VAV2: variants seen among roughly 807,000 people sequenced by gnomAD.
VAV2 encodes the protein guanine nucleotide exchange factor VAV2.
Under a neutral mutation model 132.5 loss-of-function variants are expected in VAV2, and 67 were observed. The observed-to-expected ratio is 0.51, with a 90% confidence interval of 0.42 to 0.62. VAV2 has a LOEUF of 0.62. Among genes scored for constraint, VAV2 ranks in the 20% least tolerant of loss-of-function variants. VAV2 has a pLI of 0.00. For missense variants in VAV2, 938 were observed against 1,153.6 expected (o/e 0.81, Z 2.71); for synonymous variants, 492 against 443.5 (o/e 1.11, Z -1.37).
chr9:133,976,553 A>G (rs1842518187), intron 1 of VAV2, among the ~76,000 whole-genome samples: 2 of 152,230 alleles, frequency 1.3e-5, no homozygotes, highest in Admixed American at 1.3e-4. Flanking sequence ...TAATTGTGGT[A>G]AAGTACACAC....
chr9:133,894,253 G>T (rs1165454484), intron 2 of VAV2, among the ~76,000 whole-genome samples: 2 of 152,234 alleles, frequency 1.3e-5, no homozygotes, highest in African/African-American at 4.8e-5. Context: ...GGGGAGCCGG[G>T]GCCCGGCCTG....
chr9:133,766,710 A>G (rs1476848544), intron 29 of VAV2, among the ~76,000 whole-genome samples: 1 of 149,056 alleles, frequency 6.7e-6, no homozygotes, highest in Non-Finnish European at 1.5e-5. Context: ...TACATATGTA[A>G]CAAACCTGCA....
At chr9:133,860,622 C>T (rs1837557182) in intron 3 of VAV2, among the ~76,000 whole-genome samples, 1 of 152,166 alleles carries the variant, frequency 6.6e-6, no homozygotes, top group Non-Finnish European at 1.5e-5. Context: ...GTGACCCCAT[C>T]CTCGCTGCTC....
intron 1 of VAV2, among the ~76,000 whole-genome samples, chr9:133,943,856 C>A (rs139312745): frequency 2.0e-5 from 3 of 152,368 alleles, no homozygotes; most frequent in African/African-American, 4.8e-5. Flanking sequence ...CATCGGCAGC[C>A]GCAGATCTAA....
chr9:133,853,685 C>T (rs144750069), intron 3 of VAV2, among the ~76,000 whole-genome samples: 1 of 152,254 alleles, frequency 6.6e-6, no homozygotes, highest in Non-Finnish European at 1.5e-5. Context: ...CCTTGGCTGC[C>T]ACATCAGCAT....
intron 1 of VAV2, among the ~76,000 whole-genome samples, chr9:133,950,182 T>A (rs1841509753): frequency 6.6e-6 from 1 of 152,214 alleles, no homozygotes; most frequent in Non-Finnish European, 1.5e-5. Flanking sequence ...CAGGCCAAGC[T>A]GCAGCATTGC....
intron 2 of VAV2, among the ~76,000 whole-genome samples, chr9:133,915,117 T>A (rs1387623016): frequency 1.3e-5 from 2 of 152,006 alleles, no homozygotes; most frequent in Non-Finnish European, 2.9e-5. Flanking sequence ...TCCATTAGTG[T>A]CCCCTTTTCC....
intron 4 of VAV2, among the ~76,000 whole-genome samples, chr9:133,815,567 G>A (rs562889456): frequency 1.3e-5 from 2 of 152,214 alleles, no homozygotes; most frequent in South Asian, 4.1e-4. Flanking sequence ...TTTTGTGCCT[G>A]GCTTCTTCCC....
Position 133,769,515 on chromosome 9 carries a change from CGA to C in VAV2, c.2348-14_2348-13del, listed in dbSNP as rs1423426564. 2.5e-6 allele frequency: 4 copies of C among 1,607,384 alleles called. No individual in the cohort carries two copies. The African/African-American group carries it at 4.0e-5, about 16-fold the overall frequency. On this transcript the variant is annotated splice_polypyrimidine_tract_variant and intron_variant, in intron 27 of 29. Coordinates refer to ENST00000371850, the MANE Select transcript of VAV2 (RefSeq NM_001134398.2). The surrounding 1 kb of genome is among the most constrained non-coding windows in gnomAD (Gnocchi z 8.1). ...GGAAGCACAGGAAGCTGCAAAGAGG[CGA>C]GAGAGAACGTGAGGCGGGCAGCAGG...
Position 133,961,792 on chromosome 9 carries a change from C to T in VAV2, c.205-22573G>A, listed in dbSNP as rs1841974025. On this transcript the variant is annotated intron_variant, in intron 1 of 29. Coordinates refer to ENST00000371850, the MANE Select transcript of VAV2 (RefSeq NM_001134398.2). The surrounding 1 kb of genome is among the most constrained non-coding windows in gnomAD (Gnocchi z 4.1). ...AGAAGACCCGGGCTTGCATGATGTACACCAGGGAGCCCACAGGAGCAGAGT... is the reference window on the plus strand; with the variant it reads ...AGAAGACCCGGGCTTGCATGATGTATACCAGGGAGCCCACAGGAGCAGAGT... 6.6e-6 allele frequency among the ~76,000 whole-genome samples: 1 copy of T among 152,188 alleles called. No homozygotes were observed. The highest frequency in any genetic ancestry group is 2.4e-5 in the African/African-American group (1 of 41,438).
intron 4 of VAV2, among the ~76,000 whole-genome samples, chr9:133,813,463 C>T (rs1443948697): frequency 2.0e-5 from 3 of 152,226 alleles, no homozygotes; most frequent in East Asian, 1.9e-4. Context: ...TTGGGGAGGA[C>T]CATTCAAGGT....
intron 1 of VAV2, among the ~76,000 whole-genome samples, chr9:133,954,499 G>A (rs1841678647): frequency 6.6e-6 from 1 of 152,282 alleles, no homozygotes. Flanking sequence ...CAGTGAATCT[G>A]AGTGAAATCC....
rs528784724 is a variant in VAV2 at position 133,958,061 on chromosome 9, C to A, written c.205-18842G>T. On this transcript the variant is annotated intron_variant, in intron 1 of 29. Coordinates refer to ENST00000371850, the MANE Select transcript of VAV2 (RefSeq NM_001134398.2). ...AATCTCAAGTACCCAGGGACACAAA[C>A]ACTGCGGAAGGCCGCAGGGACCTCT... 2.5e-4 allele frequency among the ~76,000 whole-genome samples: 36 copies of A among 143,184 alleles called. No individual in the cohort carries two copies. The East Asian group carries it at 3.6e-3, about 14-fold the overall frequency. 93.9% of individuals were successfully genotyped at this position (143,184 alleles called of 152,430 possible).
At chr9:133,870,075 C>T (rs1306603761) in intron 2 of VAV2, among the ~76,000 whole-genome samples, 3 of 152,036 alleles carry the variant, frequency 2.0e-5, no homozygotes, top group Non-Finnish European at 2.9e-5. Flanking sequence ...GAATGACAAG[C>T]GACCATCGAG....
intron 4 of VAV2, among the ~76,000 whole-genome samples, chr9:133,825,751 A>G (rs1388728969): frequency 6.6e-6 from 1 of 152,120 alleles, no homozygotes; most frequent in African/African-American, 2.4e-5. Context: ...GACAAAGGGC[A>G]CAGCACAGAG....
chr9:133,898,139 G>A (rs1460183720), intron 2 of VAV2, among the ~76,000 whole-genome samples: 2 of 152,124 alleles, frequency 1.3e-5, no homozygotes, highest in African/African-American at 4.8e-5. Flanking sequence ...GAGGGACCTC[G>A]GAGATGGGCC....
chr9:133,915,586 G>A (rs10114118), intron 2 of VAV2, among the ~76,000 whole-genome samples: 145,600 of 151,858 alleles, frequency 0.96, 69,894 homozygotes, highest in Non-Finnish European at 1. Context: ...AAGACAAGGC[G>A]CACACACACA....
intron 3 of VAV2, among the ~76,000 whole-genome samples, chr9:133,859,940 G>C (rs1837532637): frequency 6.6e-6 from 1 of 152,142 alleles, no homozygotes. Flanking sequence ...CCGGGGTTTT[G>C]ACTGCTATTC....
chr9:133,940,658 T>C (rs1841105012), intron 1 of VAV2, among the ~76,000 whole-genome samples: 1 of 131,804 alleles, frequency 7.6e-6, no homozygotes, highest in African/African-American at 2.9e-5. Flanking sequence ...CTAGAGTCCC[T>C]CTCTGTCCAC....
Sources: gnomAD v4.1 joint callset for allele counts (sites outside exome capture counted in the v4.1 genomes callset) on GRCh38, gnomAD v4.1.1 for gene constraint, Gnocchi (gnomAD v3.1) non-coding constraint, MANE v1.5 for transcripts, NCBI Gene and HGNC (gene_info 2026-07-23, HGNC 2026-07-21) for gene names.